The following C19orf38 variants were observed in gnomAD, a reference collection of about 807,000 sequenced individuals.
C19orf38 encodes chromosome 19 open reading frame 38, also known as protein HIDE1.
C19orf38 carries 14 observed loss-of-function variants against 26.6 expected under a neutral mutation model. The observed-to-expected ratio is 0.53, with a 90% CI of 0.35 to 0.82. C19orf38 has a LOEUF of 0.82. Ranked by LOEUF, C19orf38 falls within the 40% of genes least tolerant of loss-of-function variation. C19orf38 has a pLI of 0.01. For missense variants in C19orf38, 261 were observed against 299.5 expected, an observed-to-expected ratio of 0.87 and a Z score of 0.95; for synonymous variants, 132 against 128.5, an observed-to-expected ratio of 1.03 and a Z score of -0.18.
At chr19:10,866,921 A>C (rs969572823) in intron 6 of C19orf38, among the ~76,000 whole-genome samples, 1 of 151,930 alleles carries the variant, frequency 6.6e-6, no homozygotes, top group Admixed American at 6.6e-5. Context: ...GATTATAAGC[A>C]TGAGCCACTG....
upstream of C19orf38, among the ~76,000 whole-genome samples, chr19:10,847,231 G>A (rs2073525156): frequency 6.6e-6 from 1 of 152,124 alleles, no homozygotes; most frequent in South Asian, 2.1e-4. Flanking sequence ...GAATTGATCT[G>A]GAACTGGTAT....
At chr19:10,854,676 C>A (rs374252458) in intron 2 of C19orf38, among the ~76,000 whole-genome samples, 1 of 151,908 alleles carries the variant, frequency 6.6e-6, no homozygotes, top group African/African-American at 2.4e-5. Flanking sequence ...GAAGGGGAAG[C>A]GAAGTCTTGT....
Position 10,848,426 on chromosome 19 carries a change from G to C in C19orf38, c.-83G>C, listed in dbSNP as rs990431864. ...AATCAGCCCTGGTTCTCCTTTCCCC[G>C]ATCTGGCCTCACAGGAGGAGTTGGC... is the stretch of plus-strand genomic sequence containing the variant. On this transcript the variant is annotated 5_prime_UTR_variant, in exon 1 of 7. Coordinates refer to ENST00000397820, the MANE Select transcript of C19orf38 (RefSeq NM_001136482.3). 1.4e-6 allele frequency: 2 copies of C among 1,439,822 alleles called. No individual in the cohort carries two copies. The highest frequency in any genetic ancestry group is 1.4e-5 in the African/African-American group (1 of 70,758). The allele number at this position is 1,439,822 out of a possible 1,614,324, so 89.2% of individuals were successfully genotyped here.
chr19:10,864,577 A>C (rs1456412130), intron 6 of C19orf38, among the ~76,000 whole-genome samples: 1 of 152,146 alleles, frequency 6.6e-6, no homozygotes, highest in Non-Finnish European at 1.5e-5. Context: ...ATTCAGGTGC[A>C]CACAGGCGCC....
chr19:10,848,607 C>G, intron 1 of C19orf38, 68 bp downstream of exon 1: 2 of 1,376,898 alleles, frequency 1.5e-6, no homozygotes, highest in Non-Finnish European at 2.0e-6. Context: ...CCTTGCCGCT[C>G]CAGGGGCAGA....
chr19:10,838,552 C>G (rs1329883184), intron 1 of C19orf38, among the ~76,000 whole-genome samples: 2 of 152,178 alleles, frequency 1.3e-5, no homozygotes, highest in Non-Finnish European at 2.9e-5. Context: ...AGCAGTGATT[C>G]TGAAACGGCC....
intron 2 of C19orf38, among the ~76,000 whole-genome samples, chr19:10,851,974 C>CAAA (rs903489432): frequency 4.1e-5 from 2 of 48,524 alleles, no homozygotes; most frequent in Middle Eastern, 9.8e-3. Context: ...GACTCCGTCT[C>CAAA]AAAAAAAAAA....
chr19:10,850,148 C>T (rs1801152962), intron 1 of C19orf38, 111 bp from the exon 2 acceptor site: 1 of 1,075,268 alleles, frequency 9.3e-7, no homozygotes, highest in Non-Finnish European at 1.3e-6. Flanking sequence ...AGCCTCCTGA[C>T]TCACAGAAAA....
chr19:10,841,857 C>T (rs2073480366), intron 1 of C19orf38: 1 of 1,489,196 alleles, frequency 6.7e-7, no homozygotes, highest in East Asian at 2.3e-5. Context: ...AATCCCATTT[C>T]CTGAGGGAAT....
intron 4 of C19orf38, among the ~76,000 whole-genome samples, chr19:10,859,280 ATG>A (rs1025386100): frequency 4.2e-4 from 17 of 40,098 alleles, no homozygotes; most frequent in South Asian, 1.8e-3. Context: ...GTGTGTGTGT[ATG>A]TGTGTGTGTA....
In C19orf38 at chr19:10,859,976, C is replaced by A; in HGVS notation, c.505+18C>A. The A allele has an allele frequency of 6.5e-7, 1 of 1,548,592 alleles. No homozygotes were observed. The highest frequency in any genetic ancestry group is 2.4e-5 in the East Asian group (1 of 40,898). ...CAGCACAGGTCTGTGCCTCCACACT[C>A]CTGACTCCAGTGGGGAAAGGATTAC... On this transcript the variant is annotated intron_variant, in intron 5 of 6. Transcript: ENST00000397820.
At chr19:10,839,100 T>G (rs564259906) in intron 1 of C19orf38, among the ~76,000 whole-genome samples, 9 of 152,200 alleles carry the variant, frequency 5.9e-5, no homozygotes, top group African/African-American at 2.2e-4. Flanking sequence ...AGAGACAGGA[T>G]TTCACCATGT....
chr19:10,855,953 C>T (rs760299618), intron 2 of C19orf38, among the ~76,000 whole-genome samples: 1 of 152,140 alleles, frequency 6.6e-6, no homozygotes, highest in Non-Finnish European at 1.5e-5. Flanking sequence ...CATGAATCAC[C>T]GCACCTGGCC....
chr19:10,858,818 A>G (rs983969309), intron 4 of C19orf38, among the ~76,000 whole-genome samples: 3 of 152,058 alleles, frequency 2.0e-5, no homozygotes, highest in African/African-American at 7.2e-5. Flanking sequence ...CCCTGGCCTC[A>G]GTTTCTCTCC....
intron 4 of C19orf38, 142 bp from the exon 5 acceptor site, chr19:10,859,773 T>C: frequency 2.9e-6 from 2 of 690,402 alleles, no homozygotes; most frequent in Non-Finnish European, 5.1e-6. Flanking sequence ...ACTGCTCTTC[T>C]GTGGGGAAGA....
intron 2 of C19orf38, among the ~76,000 whole-genome samples, chr19:10,852,802 A>G (rs897005149): frequency 2.0e-5 from 3 of 151,992 alleles, no homozygotes; most frequent in Non-Finnish European, 4.4e-5. Flanking sequence ...TGAGTGAGGG[A>G]ACCCTGGCAG....
intron 1 of C19orf38, among the ~76,000 whole-genome samples, chr19:10,841,169 A>G (rs1464494390): frequency 6.6e-6 from 1 of 152,072 alleles, no homozygotes; most frequent in Non-Finnish European, 1.5e-5. Context: ...AAAGATAGAA[A>G]AGTGAAACAA....
At chr19:10,848,149 C>T (rs2146248125), upstream of C19orf38, among the ~76,000 whole-genome samples, 1 of 152,202 alleles carries the variant, frequency 6.6e-6, no homozygotes, top group African/African-American at 2.4e-5. Flanking sequence ...CGAGATCGCT[C>T]CACTGCACTC....
upstream of C19orf38, among the ~76,000 whole-genome samples, chr19:10,843,457 A>T (rs1055036490): frequency 6.6e-6 from 1 of 152,200 alleles, no homozygotes; most frequent in African/African-American, 2.4e-5. Flanking sequence ...CCCCTCGGCC[A>T]CTGCCTCTGT....
Sources: gnomAD v4.1 joint callset for allele counts (sites outside exome capture counted in the v4.1 genomes callset) on GRCh38, gnomAD v4.1.1 for gene constraint, MANE v1.5 for transcripts, NCBI Gene and HGNC (gene_info 2026-07-23, HGNC 2026-07-21) for gene names.